Variants in NAA11 observed in about 807,000 individuals in gnomAD.
NAA11 encodes the protein N-alpha-acetyltransferase 11, NatA catalytic subunit.
NAA11 carries 15 observed loss-of-function variants against 16.1 expected under a neutral mutation model. That is an observed-to-expected ratio of 0.93 (90% confidence interval 0.62 to 1.44). The LOEUF is 1.44. NAA11 is among the 40% of genes most tolerant of loss of function. The pLI is 0.00. For missense variants in NAA11, 298 were observed against 291.3 expected (o/e 1.02, Z -0.17); for synonymous variants, 122 against 112.4 (o/e 1.09, Z -0.54).
At chr4:79,160,016 A>ATTTTTATT in the NAA11 span, among the ~76,000 whole-genome samples, 1 of 142,896 alleles carries the variant, frequency 7.0e-6, no homozygotes, top group Non-Finnish European at 1.5e-5. Flanking sequence ...TTTAAGACAG[A>ATTTTTATT]GTTTTGCTCT....
chr4:79,182,911 C>T, the NAA11 span, among the ~76,000 whole-genome samples: 1 of 152,106 alleles, frequency 6.6e-6, no homozygotes, highest in Non-Finnish European at 1.5e-5. Context: ...TGAGCTTCTA[C>T]TATGTCAAGA....
intron 2 of NAA11, among the ~76,000 whole-genome samples, chr4:79,226,934 G>A (rs1721330574): frequency 6.6e-6 from 1 of 151,942 alleles, no homozygotes; most frequent in South Asian, 2.1e-4. Flanking sequence ...ATTCTTTTGG[G>A]TATATACCCA....
chr4:79,299,201 A>C (rs1446284199), intron 1 of NAA11: 1 of 152,220 alleles, frequency 6.6e-6, no homozygotes. Flanking sequence ...AGACTCCTGC[A>C]ATGATTTTAT....
At chr4:79,306,208 G>T (rs1330651378) in intron 1 of NAA11, among the ~76,000 whole-genome samples, 2 of 152,148 alleles carry the variant, frequency 1.3e-5, no homozygotes, top group East Asian at 1.9e-4. Flanking sequence ...CTTTAAACAA[G>T]AAAGAGAACT....
the NAA11 span, among the ~76,000 whole-genome samples, chr4:79,179,811 A>G: frequency 6.6e-6 from 1 of 152,238 alleles, no homozygotes; most frequent in African/African-American, 2.4e-5. Context: ...GAATTGCTTC[A>G]GACTGAGTAA....
chr4:79,272,185 T>A (rs1206812516), intron 2 of NAA11, among the ~76,000 whole-genome samples: 1 of 151,948 alleles, frequency 6.6e-6, no homozygotes, highest in African/African-American at 2.4e-5. Flanking sequence ...ATAAAAGAAA[T>A]GTATTTGTAA....
At chr4:79,236,995 T>C (rs986921838) in intron 2 of NAA11, among the ~76,000 whole-genome samples, 1 of 152,188 alleles carries the variant, frequency 6.6e-6, no homozygotes, top group African/African-American at 2.4e-5. Context: ...TTCAAAGGTC[T>C]TTTCTTCAGT....
rs577128607 is a variant in NAA11 at position 79,262,663 on chromosome 4, G to A, written c.*122+31342C>T. On this transcript the variant is annotated intron_variant and NMD_transcript_variant, in intron 2 of 2. Transcript: ENST00000511542. ...AAATGGTAGTAGAGTCTGTGTTCTTGAGTGGCTGAACCAATTATGAGTACT... is the reference window on the plus strand; with the variant it reads ...AAATGGTAGTAGAGTCTGTGTTCTTAAGTGGCTGAACCAATTATGAGTACT... 7.2e-5 allele frequency among the ~76,000 whole-genome samples: 11 copies of A among 152,244 alleles called. No individual in the cohort carries two copies. The South Asian group carries it at 1.7e-3, about 23-fold the overall frequency.
At chr4:79,248,728 C>T (rs1051093252) in intron 2 of NAA11, among the ~76,000 whole-genome samples, 4 of 152,178 alleles carry the variant, frequency 2.6e-5, no homozygotes, top group African/African-American at 9.7e-5. Context: ...TTCCCCACCC[C>T]GTGCCAATAC....
chr4:79,192,422 C>T, the NAA11 span, among the ~76,000 whole-genome samples: 1 of 135,154 alleles, frequency 7.4e-6, no homozygotes, highest in Non-Finnish European at 1.5e-5. Flanking sequence ...TGTTCCCCTT[C>T]CTGTGTCCAT....
chr4:79,306,507 A>C (rs1723583190), intron 1 of NAA11, among the ~76,000 whole-genome samples: 1 of 152,190 alleles, frequency 6.6e-6, no homozygotes, highest in Non-Finnish European at 1.5e-5. Flanking sequence ...TTTTAAGTTA[A>C]TTATTTCTTT....
At chr4:79,179,892 C>T in the NAA11 span, among the ~76,000 whole-genome samples, 1 of 152,206 alleles carries the variant, frequency 6.6e-6, no homozygotes, top group Non-Finnish European at 1.5e-5. Context: ...AACTTACAAT[C>T]ATAGCGGAAG....
chr4:79,265,400 ACT>A (rs1228510726), intron 2 of NAA11, among the ~76,000 whole-genome samples: 4 of 151,676 alleles, frequency 2.6e-5, no homozygotes, highest in African/African-American at 4.8e-5. Context: ...TCTGTTCAAA[ACT>A]CTCTGCTGAT....
the NAA11 span, among the ~76,000 whole-genome samples, chr4:79,202,351 T>C: frequency 2.0e-5 from 3 of 151,084 alleles, no homozygotes; most frequent in East Asian, 5.9e-4. Context: ...TCTAATACCA[T>C]TTTCCTCATT....
At chr4:79,229,305 C>A (rs1721402923) in intron 2 of NAA11, among the ~76,000 whole-genome samples, 1 of 151,808 alleles carries the variant, frequency 6.6e-6, no homozygotes, top group Admixed American at 6.6e-5. Context: ...AGTACTATTT[C>A]TTCAGAAGAC....
chr4:79,161,320 G>A, the NAA11 span, among the ~76,000 whole-genome samples: 1 of 151,992 alleles, frequency 6.6e-6, no homozygotes, highest in South Asian at 2.1e-4. Flanking sequence ...CTTGTCAAAA[G>A]TCTATTGATC....
chr4:79,167,132 TTATA>T, the NAA11 span, among the ~76,000 whole-genome samples: 381 of 17,298 alleles, frequency 0.022, 89 homozygotes, highest in African/African-American at 0.058. Context: ...ACAGCTTATT[TTATA>T]TATATATATA....
intron 2 of NAA11, among the ~76,000 whole-genome samples, chr4:79,291,985 T>A (rs1371093602): frequency 1.3e-5 from 2 of 152,194 alleles, no homozygotes; most frequent in Non-Finnish European, 2.9e-5. Context: ...TTCATCTTCT[T>A]TTCTCCATCT....
downstream of NAA11, among the ~76,000 whole-genome samples, chr4:79,223,805 A>G (rs192214360): frequency 2.2e-4 from 34 of 151,248 alleles, no homozygotes; most frequent in African/African-American, 7.8e-4. Flanking sequence ...GAACAGTTAG[A>G]TTTATTTGCT....
Sources: gnomAD v4.1 joint callset for allele counts (sites outside exome capture counted in the v4.1 genomes callset) on GRCh38, gnomAD v4.1.1 for gene constraint, MANE v1.5 for transcripts, NCBI Gene and HGNC (gene_info 2026-07-23, HGNC 2026-07-21) for gene names.